The following DCAF8L2 variants were observed in gnomAD, a reference collection of about 807,000 sequenced individuals.
DCAF8L2 encodes DDB1 and CUL4 associated factor 8 like 2.
For synonymous variants in DCAF8L2, 200 were observed against 190.9 expected (o/e 1.05, Z -0.39); for missense variants, 430 against 490.7 (o/e 0.88, Z 1.17).
chrX:27,608,490 C>T (rs1345353152), intron 1 of DCAF8L2, among the ~76,000 whole-genome samples: 4 of 111,372 alleles, frequency 3.6e-5, no homozygotes, highest in Admixed American at 9.6e-5. Context: ...CTTTTGAATA[C>T]ACATGATGGA....
At chrX:27,556,324 T>G in the DCAF8L2 span, among the ~76,000 whole-genome samples, 1 of 111,829 alleles carries the variant, frequency 8.9e-6, no homozygotes, top group Non-Finnish European at 1.9e-5. Flanking sequence ...AGCTCACATG[T>G]TATTTCTGAG....
chrX:27,675,098 T>C (rs1348725132), intron 2 of DCAF8L2, among the ~76,000 whole-genome samples: 1 of 112,159 alleles, frequency 8.9e-6, no homozygotes, highest in Non-Finnish European at 1.9e-5. Flanking sequence ...TTTGGAATCT[T>C]GATCTGAAAA....
chrX:27,590,241 T>C (rs1339289951), upstream of DCAF8L2: 6 of 111,246 alleles, frequency 5.4e-5, no homozygotes, highest in Non-Finnish European at 7.5e-5. Context: ...CTCTGGACCA[T>C]GGAGCGCTTG....
chrX:27,515,520 G>A, the DCAF8L2 span, among the ~76,000 whole-genome samples: 1 of 111,337 alleles, frequency 9.0e-6, no homozygotes, highest in African/African-American at 3.3e-5. Context: ...ACTCCAGCCT[G>A]GGCAACAAAA....
the DCAF8L2 span, among the ~76,000 whole-genome samples, chrX:27,514,180 A>C: frequency 2.1e-5 from 2 of 95,747 alleles, no homozygotes; most frequent in African/African-American, 9.0e-5. Flanking sequence ...ATGTACATGT[A>C]TGTACCCGTG....
At position 27,591,014 on chromosome X, in the gene DCAF8L2, T is replaced by TATATATATATATATATAA. The variant is rs201564902; in HGVS notation, c.-342+575_-342+576insTATATATATATATATAAA. 1.4e-4 allele frequency among the ~76,000 whole-genome samples: 14 copies of TATATATATATATATATAA among 96,782 alleles called. No individual in the cohort carries two copies. The East Asian group carries it at 1.6e-3, about 11-fold the overall frequency. 84.0% of individuals were successfully genotyped at this position (96,782 alleles called of 115,157 possible). Reference sequence around the variant, plus strand: ...TTTTATATATATATATATATATATATAAATAAATAATTTGATAGGTTACAT... The same window carrying TATATATATATATATATAA: ...TTTTATATATATATATATATATATATATATATATATATATATAAAAATAAATAATTTGATAGGTTACAT... On this transcript the variant is annotated intron_variant, in intron 1 of 4. Transcript: ENST00000451261.
intron 1 of DCAF8L2, among the ~76,000 whole-genome samples, chrX:27,625,677 C>T (rs1472422062): frequency 1.8e-5 from 2 of 111,791 alleles, no homozygotes; most frequent in African/African-American, 6.5e-5. Flanking sequence ...TACTATGCAG[C>T]CATAAAAAGA....
At chrX:27,600,261 C>T (rs912860614) in intron 1 of DCAF8L2, among the ~76,000 whole-genome samples, 1 of 111,887 alleles carries the variant, frequency 8.9e-6, no homozygotes, top group Non-Finnish European at 1.9e-5. Flanking sequence ...GACAAGAAGA[C>T]ACTGAATGAA....
At chrX:27,684,907 TTCC>T (rs1472018139) in intron 3 of DCAF8L2, among the ~76,000 whole-genome samples, 2 of 111,600 alleles carry the variant, frequency 1.8e-5, no homozygotes, top group African/African-American at 6.5e-5. Context: ...CATTGTGACT[TTCC>T]TCCATTAATC....
At chrX:27,592,526 TC>T (rs760036655) in intron 1 of DCAF8L2, among the ~76,000 whole-genome samples, 37 of 106,583 alleles carry the variant, frequency 3.5e-4, no homozygotes, top group Admixed American at 8.1e-4. Flanking sequence ...AACCTCCGCC[TC>T]CTGGGTTCAA....
chrX:27,565,386 T>G, the DCAF8L2 span, among the ~76,000 whole-genome samples: 1 of 111,730 alleles, frequency 9.0e-6, no homozygotes, highest in African/African-American at 3.3e-5. Flanking sequence ...TGACCCATCC[T>G]ACATGTCAGA....
chrX:27,588,037 T>A (rs1210647855), upstream of DCAF8L2, among the ~76,000 whole-genome samples: 9 of 103,815 alleles, frequency 8.7e-5, no homozygotes. Context: ...TTATTTTAGA[T>A]TCAGGGCGTC....
intron 3 of DCAF8L2, among the ~76,000 whole-genome samples, chrX:27,714,916 TA>T (rs1931645651): frequency 8.9e-6 from 1 of 111,852 alleles, no homozygotes; most frequent in Non-Finnish European, 1.9e-5. Context: ...TTTTTATTTT[TA>T]TTTTTTTAGT....
the DCAF8L2 span, among the ~76,000 whole-genome samples, chrX:27,542,117 T>C: frequency 3.6e-5 from 4 of 111,727 alleles, no homozygotes; most frequent in African/African-American, 1.3e-4. Context: ...AGCATCTAGG[T>C]TGATTCTATG....
At chrX:27,709,891 T>C (rs1485479522) in intron 3 of DCAF8L2, among the ~76,000 whole-genome samples, 1 of 111,706 alleles carries the variant, frequency 9.0e-6, no homozygotes, top group Non-Finnish European at 1.9e-5. Context: ...TATTTTTTTT[T>C]GCTTTATGAT....
chrX:27,603,869 G>A, intron 1 of DCAF8L2, among the ~76,000 whole-genome samples: 1 of 111,801 alleles, frequency 8.9e-6, no homozygotes, highest in East Asian at 2.8e-4. Context: ...TCATTGACAT[G>A]TTGAGAGATT....
chrX:27,647,664 A>G (rs1363179025), intron 2 of DCAF8L2, among the ~76,000 whole-genome samples: 1 of 111,676 alleles, frequency 9.0e-6, no homozygotes, highest in African/African-American at 3.3e-5. Context: ...AGAAGGAGAT[A>G]AGTCCTTAGC....
At chrX:27,643,010 C>A (rs777013629) in intron 2 of DCAF8L2, among the ~76,000 whole-genome samples, 9 of 111,719 alleles carry the variant, frequency 8.1e-5, no homozygotes, top group Non-Finnish European at 1.5e-4. Flanking sequence ...ATGCAGACAC[C>A]TTTACTGTGC....
chrX:27,644,099 T>C (rs1172680618), intron 2 of DCAF8L2, among the ~76,000 whole-genome samples: 1 of 111,715 alleles, frequency 9.0e-6, no homozygotes, highest in Non-Finnish European at 1.9e-5. Flanking sequence ...GAGACTACCA[T>C]GTCTAAAATA....
Sources: gnomAD v4.1 joint callset for allele counts (sites outside exome capture counted in the v4.1 genomes callset) on GRCh38, gnomAD v4.1.1 for gene constraint, MANE v1.5 for transcripts, NCBI Gene and HGNC (gene_info 2026-07-23, HGNC 2026-07-21) for gene names.